Variants in DNAAF9 observed in about 807,000 individuals in gnomAD.
DNAAF9 encodes the protein dynein axonemal assembly factor 9, also known as shulin.
Under a neutral mutation model 167.0 loss-of-function variants are expected in DNAAF9, and 90 were observed. The ratio of observed to expected loss-of-function variants is 0.54; its 90% CI spans 0.45 to 0.64. The LOEUF (loss-of-function observed/expected upper bound fraction) is 0.64, where lower values mean the gene tolerates loss of function less well. Ranked by LOEUF, DNAAF9 falls within the 30% of genes least tolerant of loss-of-function variation. The pLI is 0.00. For synonymous variants in DNAAF9, 491 were observed against 508.8 expected (o/e 0.96, Z 0.47); for missense variants, 1,315 against 1,442.2 (o/e 0.91, Z 1.43).
chr20:3,279,107 T>C lies in DNAAF9; in HGVS notation c.2613-158A>G, dbSNP rs141953057. Among the ~76,000 whole-genome samples, 412 of 152,266 alleles carry C rather than the reference T, an allele frequency of 2.7e-3. 1 individual carries two copies. Among genetic ancestry groups the C allele is most frequent in the African/African-American group, 9.3e-3 (387 of 41,546 alleles). ...AGCACTAAGGATAGCCATGGGACTT[T>C]ACAGCTTTCCGTCAAAGCTCCCCAC... On this transcript the variant is annotated intron_variant, in intron 28 of 36. Coordinates refer to ENST00000252032, the MANE Select transcript of DNAAF9 (RefSeq NM_001009984.3).
intron 7 of DNAAF9, among the ~76,000 whole-genome samples, chr20:3,350,655 C>T (rs888237850): frequency 1.3e-5 from 2 of 152,066 alleles, no homozygotes; most frequent in Non-Finnish European, 2.9e-5. Context: ...GAGAGTGGGT[C>T]TCAGACAGGA....
At chr20:3,370,696 C>T (rs1283704676) in intron 6 of DNAAF9, among the ~76,000 whole-genome samples, 3 of 152,180 alleles carry the variant, frequency 2.0e-5, no homozygotes, top group Non-Finnish European at 4.4e-5. Flanking sequence ...GCTTGAGCCA[C>T]CGCGCCCAGC....
In DNAAF9 at chr20:3,368,692, T is replaced by G. The variant is rs2083465404; in HGVS notation, c.612+5356A>C. Among the ~76,000 whole-genome samples, 8 of 152,076 alleles carry G rather than the reference T, an allele frequency of 5.3e-5. No individual in the cohort carries two copies. In the South Asian group the frequency reaches 1.7e-3, roughly 32 times the overall value. ...CAAGCCCGGCTAATTTTTGTATTTT[T>G]TTTTTTAAGTAGAGACAGGGTTTCA... On this transcript the variant is annotated intron_variant, in intron 6 of 36. Coordinates refer to ENST00000252032, the MANE Select transcript of DNAAF9 (RefSeq NM_001009984.3).
intron 1 of DNAAF9, among the ~76,000 whole-genome samples, chr20:3,389,247 G>A (rs2083792296): frequency 6.6e-6 from 1 of 152,110 alleles, no homozygotes; most frequent in Non-Finnish European, 1.5e-5. Flanking sequence ...CTGGGCTCAG[G>A]TGATTCTCCC....
chr20:3,328,889 A>G (rs1037188986), intron 12 of DNAAF9, among the ~76,000 whole-genome samples: 6 of 121,180 alleles, frequency 5.0e-5, no homozygotes, highest in Non-Finnish European at 1.0e-4. Context: ...TTTTTTTTTG[A>G]GATAGAGTCT....
intron 26 of DNAAF9, among the ~76,000 whole-genome samples, chr20:3,289,282 T>C (rs1360750319): frequency 6.6e-6 from 1 of 152,134 alleles, no homozygotes; most frequent in Non-Finnish European, 1.5e-5. Context: ...ACTTAAAGTA[T>C]AATTTTAAAA....
At chr20:3,302,442 C>T (rs972891463) in intron 21 of DNAAF9, among the ~76,000 whole-genome samples, 9 of 152,248 alleles carry the variant, frequency 5.9e-5, no homozygotes, top group Admixed American at 1.3e-4. Context: ...ACTGCAGGCA[C>T]CCTACTGTGC....
At chr20:3,340,462 G>T in intron 10 of DNAAF9, 42 bp downstream of exon 10, 3 of 257,640 alleles carry the variant, frequency 1.2e-5, no homozygotes, top group Non-Finnish European at 2.0e-5. Context: ...CCCACAACTT[G>T]ATAATAAAAC....
chr20:3,324,744 T>TAAGA lies in DNAAF9; in HGVS notation c.1265+147_1265+148insTCTT, dbSNP rs1179915610. 4.8e-6 allele frequency: 3 copies of TAAGA among 620,112 alleles called. No individual in the cohort carries two copies. In the African/African-American group the frequency reaches 5.5e-5, roughly 11 times the overall value. 38.4% of individuals were successfully genotyped at this position (620,112 alleles called of 1,614,324 possible). On this transcript the variant is annotated intron_variant, in intron 14 of 36. Coordinates refer to ENST00000252032, the MANE Select transcript of DNAAF9 (RefSeq NM_001009984.3). ...GGCTCTTTGGCTTCTAAGTGAAGGCTGAATCATGAATGATTCTCCTTCACA... is the reference window on the plus strand; with the variant it reads ...GGCTCTTTGGCTTCTAAGTGAAGGCTAAGAGAATCATGAATGATTCTCCTTCACA...
intron 20 of DNAAF9, among the ~76,000 whole-genome samples, chr20:3,312,498 G>T (rs546504622): frequency 8.5e-5 from 13 of 152,136 alleles, no homozygotes; most frequent in Non-Finnish European, 1.3e-4. Context: ...TGGGACTCAG[G>T]ATATGAAGAT....
In DNAAF9 at chr20:3,270,955, G is replaced by A. The variant is rs2068583027; in HGVS notation, c.2651-393C>T. 3.9e-5 allele frequency among the ~76,000 whole-genome samples: 6 copies of A among 151,974 alleles called. No homozygotes were observed. In the South Asian group the frequency reaches 1.2e-3, roughly 32 times the overall value. Reference sequence around the variant, plus strand: ...AGCCTCTTGAGTAGCAGGAATTACAGGAACCCGCAACCATGCCTGGCTAAT... The same window carrying A: ...AGCCTCTTGAGTAGCAGGAATTACAAGAACCCGCAACCATGCCTGGCTAAT... On this transcript the variant is annotated intron_variant, in intron 29 of 36. Transcript: ENST00000252032.
intron 12 of DNAAF9, among the ~76,000 whole-genome samples, chr20:3,329,418 C>CA (rs1404920848): frequency 6.6e-6 from 1 of 152,186 alleles, no homozygotes; most frequent in Admixed American, 6.5e-5. Context: ...CTCGGCCCCC[C>CA]AGAGTCCTGG....
rs969140565 is a variant in DNAAF9, at chr20:3,373,909, C to A, written c.612+139G>T. The A allele has an allele frequency of 2.4e-5, 14 of 595,454 alleles. No individual in the cohort carries two copies. In the African/African-American group the frequency reaches 2.6e-4, roughly 11 times the overall value. The allele number at this position is 595,454 out of a possible 1,614,324, so 36.9% of individuals were successfully genotyped here. A position where few individuals can be genotyped will look rare whatever the true frequency, so the allele number is the denominator to read the frequency against. ...CTTTAGCAGCAACTATTTTCCATTT[C>A]AAGTCTCCTAACTTGCTCCATGCCC... On this transcript the variant is annotated intron_variant, in intron 6 of 36. Transcript: ENST00000252032.
intron 30 of DNAAF9, among the ~76,000 whole-genome samples, chr20:3,268,231 T>C (rs1424948751): frequency 1.3e-5 from 2 of 151,928 alleles, no homozygotes; most frequent in African/African-American, 4.8e-5. Context: ...GGTTTCGCCA[T>C]GTTGGCCAGG....
chr20:3,294,532 C>A lies in DNAAF9; in HGVS notation c.2116G>T (p.Asp706Tyr). ...ATAAACAGAACCAGAGCTTACCAGTCCAGCTCTGGGAGTTTGGCTGAGAGT... is the reference window on the plus strand; with the variant it reads ...ATAAACAGAACCAGAGCTTACCAGTACAGCTCTGGGAGTTTGGCTGAGAGT... Reference protein sequence around the residue: ...KLLSAKLPELDWFLQHFAISS... With the variant: ...KLLSAKLPELYWFLQHFAISS... The change falls in exon 24 of 37, where the codon GAC (aspartate) becomes TAC (tyrosine). Residue 706 changes from aspartate (D) to tyrosine (Y), a missense_variant. By Grantham distance (160) the Asp-to-Tyr change is radical (BLOSUM62 -3). Coordinates refer to ENST00000252032, the MANE Select transcript of DNAAF9 (RefSeq NM_001009984.3). 6.3e-7 allele frequency: 1 copy of A among 1,593,602 alleles called. No homozygotes were observed. Among genetic ancestry groups the A allele is most frequent in the Non-Finnish European group, 8.6e-7 (1 of 1,161,382 alleles).
chr20:3,343,973 G>C (rs1479678592), intron 8 of DNAAF9, among the ~76,000 whole-genome samples: 2 of 151,490 alleles, frequency 1.3e-5, no homozygotes, highest in East Asian at 3.9e-4. Context: ...ATGAATTTTA[G>C]GAATAAGTGG....
intron 6 of DNAAF9, among the ~76,000 whole-genome samples, chr20:3,369,129 CAA>C (rs35047918): frequency 5.1e-4 from 68 of 133,842 alleles, no homozygotes; most frequent in Non-Finnish European, 2.3e-4. Context: ...AACTCTGTCT[CAA>C]AAAAAAAAAA....
chr20:3,399,823 G>A (rs1000038235), intron 1 of DNAAF9, among the ~76,000 whole-genome samples: 36 of 152,234 alleles, frequency 2.4e-4, no homozygotes, highest in Non-Finnish European at 4.9e-4. Flanking sequence ...TAACAGGACC[G>A]GCCTGCCTTC....
At chr20:3,378,290 A>AT (rs1394644052) in intron 3 of DNAAF9, among the ~76,000 whole-genome samples, 4 of 152,198 alleles carry the variant, frequency 2.6e-5, no homozygotes, top group African/African-American at 9.7e-5. Context: ...CTCTAAGGCA[A>AT]CTGCAGGCCC....
Sources: gnomAD v4.1 joint callset for allele counts (sites outside exome capture counted in the v4.1 genomes callset) on GRCh38, gnomAD v4.1.1 for gene constraint, MANE v1.5 for transcripts, NCBI Gene and HGNC (gene_info 2026-07-23, HGNC 2026-07-21) for gene names.